Variants in MATN1 observed in about 807,000 individuals in gnomAD.
MATN1 encodes the protein matrilin-1.
Under a neutral mutation model 41.3 loss-of-function variants are expected in MATN1, and 34 were observed. The observed-to-expected ratio is 0.82, with a 90% CI of 0.63 to 1.10. The LOEUF (loss-of-function observed/expected upper bound fraction) is 1.10. Among genes scored for constraint, MATN1 ranks in the 50% least tolerant of loss-of-function variants. MATN1 has a pLI of 0.00. For synonymous variants in MATN1, 264 were observed against 278.7 expected, an observed-to-expected ratio of 0.95 and a Z score of 0.53; for missense variants, 602 against 662.4, an observed-to-expected ratio of 0.91 and a Z score of 1.00.
intron 7 of MATN1, 58 bp downstream of exon 7, chr1:30,714,189 C>T (rs1639588125): frequency 2.8e-6 from 4 of 1,409,838 alleles, no homozygotes; most frequent in Non-Finnish European, 3.9e-6. Context: ...ATGCCCCCGC[C>T]TCCCCCAACA....
At chr1:30,713,789 AAC>A (rs1303868237) in intron 7 of MATN1, 158 bp from the exon 8 acceptor site, 3 of 673,408 alleles carry the variant, frequency 4.5e-6, no homozygotes, top group South Asian at 3.4e-5. Flanking sequence ...CTTTCCAAAA[AAC>A]ACAGCCAGTT....
intron 5 of MATN1, among the ~76,000 whole-genome samples, 153 bp downstream of exon 5, chr1:30,715,756 T>G (rs1639610358): frequency 6.6e-6 from 1 of 152,206 alleles, no homozygotes; most frequent in Admixed American, 6.5e-5. Flanking sequence ...GTCATTGGTA[T>G]AAGAGAGAAT....
Position 30,714,242 on chromosome 1 carries a change from GAT to G in MATN1, c.1441+3_1441+4del, listed in dbSNP as rs1397203135. The stretch of plus-strand genomic sequence containing the variant: ...CCAGCCCCAGCCCCCTCTGGGAAGG[GAT>G]ATGTTTCCTGGTCAGGGCCTGCAGC... On this transcript the variant is annotated splice_donor_region_variant and intron_variant, in intron 7 of 7. Transcript: ENST00000373765. 5 of 1,599,960 alleles carry G rather than the reference GAT, an allele frequency of 3.1e-6. No homozygotes were observed. The South Asian group carries it at 5.7e-5, about 18-fold the overall frequency.
At position 30,721,428 on chromosome 1, in the gene MATN1, A is replaced by G; in HGVS notation, c.418T>C (p.Ser140Pro). Residue 140 changes from serine (S) to proline (P), a missense_variant, in exon 2 of 8, where the codon TCC becomes CCC. Transcript: ENST00000373765. ...KAFGDAEGGRSRSPDISKVVI... is the reference protein window; with the variant it reads ...KAFGDAEGGRPRSPDISKVVI... ...ACCTTGCTGATGTCAGGGGACCTGG[A>G]ACGACCACCCTCTGCATCGCCGAAG... 1.9e-6 allele frequency: 3 copies of G among 1,610,292 alleles called. No individual in the cohort carries two copies. The highest frequency in any genetic ancestry group is 1.7e-6 in the Non-Finnish European group (2 of 1,177,248).
chr1:30,719,952 G>A (rs1639676922), intron 2 of MATN1: 1 of 152,442 alleles, frequency 6.6e-6, no homozygotes, highest in Admixed American at 6.5e-5. Context: ...GTTGTGGTGA[G>A]GTTGAGTGAG....
chr1:30,723,337 G>T (rs115356516), intron 1 of MATN1, 121 bp downstream of exon 1: 2 of 712,998 alleles, frequency 2.8e-6, no homozygotes, highest in South Asian at 2.3e-5. Flanking sequence ...CACCACTGCC[G>T]CCCTGCTCCC....
chr1:30,718,827 A>G lies in MATN1; in HGVS notation c.572T>C (p.Ile191Thr). Residue 191 changes from isoleucine (I) to threonine (T), a missense_variant, in exon 3 of 8, where the codon ATC becomes ACC. Coordinates refer to ENST00000373765, the MANE Select transcript of MATN1 (RefSeq NM_002379.3). ...GSVDKATLRQ[I>T]ASEPQDEHVD... ...GTGTTCGTCCTGCGGCTCGCTGGCG[A>G]TCTGCCGCAGCGTGGCCTTGTCCAC... The G allele has an allele frequency of 1.2e-6, 2 of 1,609,000 alleles. No individual in the cohort carries two copies. Among genetic ancestry groups the G allele is most frequent in the Non-Finnish European group, 1.7e-6 (2 of 1,178,702 alleles).
At chr1:30,717,647 T>TTG (rs1225935601) in intron 3 of MATN1, among the ~76,000 whole-genome samples, 11 of 118,254 alleles carry the variant, frequency 9.3e-5, no homozygotes, top group African/African-American at 4.1e-4. Flanking sequence ...GTGCGGTTTT[T>TTG]TTTTTTGTTT....
intron 1 of MATN1, among the ~76,000 whole-genome samples, chr1:30,723,005 A>C (rs972671775): frequency 2.6e-5 from 4 of 152,156 alleles, no homozygotes; most frequent in African/African-American, 7.2e-5. Context: ...TACAGGAAGA[A>C]TGGGCATTCC....
Position 30,716,855 on chromosome 1 carries a change from G to A in MATN1, c.725C>T (p.Pro242Leu), listed in dbSNP as rs1322298366. ...GTGGCAGGCGCAGGTGTAGGAACCGGGGGAGCTGATGCACACCTGCTCACA... is the reference window on the plus strand; with the variant it reads ...GTGGCAGGCGCAGGTGTAGGAACCGAGGGAGCTGATGCACACCTGCTCACA... The part of the protein sequence containing the change: ...HDCEQVCISS[P>L]GSYTCACHEG... The change falls in exon 4 of 8, where the codon CCC becomes CTC. Residue 242 changes from proline (P) to leucine (L), a missense_variant. Pro to Leu is a moderately conservative substitution (Grantham distance 98). Coordinates refer to ENST00000373765, the MANE Select transcript of MATN1 (RefSeq NM_002379.3). The A allele has an allele frequency of 4.3e-6, 7 of 1,613,950 alleles. No individual in the cohort carries two copies. In the South Asian group the frequency reaches 6.6e-5, roughly 15 times the overall value.
In MATN1 at chr1:30,718,909, C is replaced by T. The variant is rs1639662167; in HGVS notation, c.490G>A (p.Val164Met). The change falls in exon 3 of 8, where the codon GTG becomes ATG. Residue 164 changes from valine (V) to methionine (M), a missense_variant. Coordinates refer to ENST00000373765, the MANE Select transcript of MATN1 (RefSeq NM_002379.3). The part of the protein sequence containing the change: ...DGRPQDSVQD[V>M]SARARASGVE... The stretch of plus-strand genomic sequence containing the variant: ...CCGCTGGCCCGGGCCCGCGCAGACA[C>T]GTCCTGCACGCTGTCCTGGGGCCTC... The T allele has an allele frequency of 6.4e-7, 1 of 1,570,176 alleles. No individual in the cohort carries two copies. Among genetic ancestry groups the T allele is most frequent in the Non-Finnish European group, 8.6e-7 (1 of 1,163,206 alleles).
At chr1:30,720,089 T>C (rs1304444862) in intron 2 of MATN1, 1 of 143,010 alleles carries the variant, frequency 7.0e-6, no homozygotes, top group Non-Finnish European at 1.6e-5. Context: ...TCTGAAAATC[T>C]AGCTGTGACT....
chr1:30,718,692 T>A, intron 3 of MATN1, 43 bp downstream of exon 3: 214 of 1,015,818 alleles, frequency 2.1e-4, no homozygotes, highest in Non-Finnish European at 2.6e-4. Context: ...CGCTCTCCCC[T>A]TCTCCGCCCC....
In MATN1 at chr1:30,712,601, CTT is replaced by C. The variant is rs151272601; in HGVS notation, c.*979_*980del. On this transcript the variant is annotated 3_prime_UTR_variant, in exon 8 of 8. Coordinates refer to ENST00000373765, the MANE Select transcript of MATN1 (RefSeq NM_002379.3). ...CCCTGGTACGACCTAAACCCACTCT[CTT>C]TTCCTCTGGCTGGTCCCTCTGGCTG... 7.2e-3 allele frequency: 1,092 copies of C among 152,640 alleles called. 25 individuals carry two copies. The East Asian group carries it at 0.098, about 14-fold the overall frequency. 9.5% of individuals were successfully genotyped at this position (152,640 alleles called of 1,614,324 possible). A position where few individuals can be genotyped will look rare whatever the true frequency, so the allele number is the denominator to read the frequency against.
Position 30,711,300 on chromosome 1 carries a change from A to C in MATN1, c.*2282T>G, listed in dbSNP as rs536330155. 2.6e-5 allele frequency: 4 copies of C among 152,384 alleles called. No individual in the cohort carries two copies. The highest frequency in any genetic ancestry group is 7.2e-5 in the African/African-American group (3 of 41,582). The allele number at this position is 152,384 out of a possible 1,614,324, so 9.4% of individuals were successfully genotyped here. A position where few individuals can be genotyped will look rare whatever the true frequency, so the allele number is the denominator to read the frequency against. ...AATTAGTTTAGTCCTGTTTATTTAT[A>C]CAAAATTCAAAAAAACAAAATTACA... On this transcript the variant is annotated 3_prime_UTR_variant, in exon 8 of 8. Transcript: ENST00000373765.
rs952898952 is a variant in MATN1 at position 30,713,498 on chromosome 1, G to A, written c.*84C>T. ...CCCAGACACACCCCCTCCCACCCCC[G>A]GGCTGGCTTCCCTCACTAAAATGGT... On this transcript the variant is annotated 3_prime_UTR_variant, in exon 8 of 8. Transcript: ENST00000373765. The A allele has an allele frequency of 1.1e-5, 16 of 1,400,920 alleles. No individual in the cohort carries two copies. The East Asian group carries it at 1.2e-4, about 11-fold the overall frequency. 86.8% of individuals were successfully genotyped at this position (1,400,920 alleles called of 1,614,324 possible). A position where few individuals can be genotyped will look rare whatever the true frequency, so the allele number is the denominator to read the frequency against.
chr1:30,716,809 G>C lies in MATN1; in HGVS notation c.771C>G (p.Ser257Arg). The C allele has an allele frequency of 6.2e-7, 1 of 1,613,772 alleles. No individual in the cohort carries two copies. The highest frequency in any genetic ancestry group is 8.5e-7 in the Non-Finnish European group (1 of 1,179,936). Reference sequence around the variant, plus strand: ...ACTGACCATTGCAGGTCTTGCCGTCGCTGTTCAGAGTGAAGCCCTCGTGGC... The same window carrying C: ...ACTGACCATTGCAGGTCTTGCCGTCCCTGTTCAGAGTGAAGCCCTCGTGGC... ...CACHEGFTLNSDGKTCNVCSG... is the reference protein window; with the variant it reads ...CACHEGFTLNRDGKTCNVCSG... The change falls in exon 4 of 8, where the codon AGC (serine) becomes AGG (arginine). Residue 257 changes from serine to arginine, a missense_variant. Transcript: ENST00000373765.
chr1:30,714,932 A>T (rs1224784221), intron 6 of MATN1, among the ~76,000 whole-genome samples: 2 of 152,208 alleles, frequency 1.3e-5, no homozygotes, highest in Non-Finnish European at 2.9e-5. Context: ...GGATCGGATG[A>T]TGTAATATCC....
In MATN1 at chr1:30,723,527, G is replaced by A. The variant is rs780175693; in HGVS notation, c.25C>T (p.Leu9Phe). The A allele has an allele frequency of 2.2e-5, 34 of 1,537,710 alleles. No homozygotes were observed. In the Middle Eastern group the frequency reaches 5.1e-4, roughly 23 times the overall value. ...AGCAGCAGCAGGCTGCAGAGCATGA[G>A]GCTAGTGCCAGAGAGGACCCTCATA... MRVLSGTSLMLCSLLLLLQ... is the reference protein window; with the variant it reads MRVLSGTSFMLCSLLLLLQ... The change falls in exon 1 of 8, where the codon CTC becomes TTC. Residue 9 changes from leucine to phenylalanine, a missense_variant. Physicochemically the swap from Leu to Phe is conservative, Grantham distance 22. Transcript: ENST00000373765.
Sources: gnomAD v4.1 joint callset for allele counts (sites outside exome capture counted in the v4.1 genomes callset) on GRCh38, gnomAD v4.1.1 for gene constraint, MANE v1.5 for transcripts, NCBI Gene and HGNC (gene_info 2026-07-23, HGNC 2026-07-21) for gene names.